The following PBX3 variants were observed in gnomAD, a reference collection of about 807,000 sequenced individuals.
The protein encoded by PBX3 is PBX homeobox 3.
In PBX3, 14 loss-of-function variants were observed where a neutral mutation model predicts 48.5. The observed-to-expected ratio is 0.29, with a 90% CI of 0.19 to 0.45. PBX3 has a LOEUF of 0.45. Among genes scored for constraint, PBX3 ranks in the 20% least tolerant of loss-of-function variants. The pLI, the probability that PBX3 is intolerant of heterozygous loss-of-function variation, is 1.00. For missense variants in PBX3, 386 were observed against 546.7 expected (o/e 0.71, Z 2.93); for synonymous variants, 210 against 200.3 (o/e 1.05, Z -0.41).
At chr9:125,797,872 A>C (rs1406893238) in intron 2 of PBX3, among the ~76,000 whole-genome samples, 1 of 152,164 alleles carries the variant, frequency 6.6e-6, no homozygotes, top group Non-Finnish European at 1.5e-5. Flanking sequence ...AAACATTAAC[A>C]GTAACAATAG....
intron 2 of PBX3, among the ~76,000 whole-genome samples, chr9:125,900,784 GGAATTTATTTTATCAGATAACT>G (rs1840927321): frequency 6.6e-6 from 1 of 151,684 alleles, no homozygotes. Context: ...TGCTGAATGT[GGAATTTATTTTATCAGATAACT>G]GACCATTGTT....
chr9:125,886,410 ATTTCCCTCATT>A, intron 2 of PBX3, among the ~76,000 whole-genome samples: 1 of 152,178 alleles, frequency 6.6e-6, no homozygotes, highest in East Asian at 1.9e-4. Flanking sequence ...AACATTTCTA[ATTTCCCTCATT>A]TGAAGGTTCA....
intron 2 of PBX3, among the ~76,000 whole-genome samples, chr9:125,880,470 A>G (rs750601838): frequency 6.6e-6 from 1 of 152,212 alleles, no homozygotes; most frequent in Non-Finnish European, 1.5e-5. Flanking sequence ...GTTATTTTCA[A>G]TATTAATTAT....
chr9:125,915,465 G>A (rs1263729534), intron 2 of PBX3, among the ~76,000 whole-genome samples: 1 of 151,978 alleles, frequency 6.6e-6, no homozygotes. Flanking sequence ...TGAGGCGGTG[G>A]GGGGGTATTT....
chr9:125,852,748 T>C (rs1839616874), intron 2 of PBX3, among the ~76,000 whole-genome samples: 1 of 152,196 alleles, frequency 6.6e-6, no homozygotes, highest in Admixed American at 6.5e-5. Context: ...ATAGTTGTTA[T>C]AACTTTTTCT....
intron 2 of PBX3, among the ~76,000 whole-genome samples, chr9:125,752,226 C>G: frequency 6.6e-6 from 1 of 152,072 alleles, no homozygotes. Context: ...GATTTGTAGC[C>G]TTTGTGAGGC....
chr9:125,801,244 T>A (rs941338620), intron 2 of PBX3, among the ~76,000 whole-genome samples: 3 of 152,234 alleles, frequency 2.0e-5, no homozygotes, highest in African/African-American at 7.2e-5. Context: ...GAAGTACTTC[T>A]CTGTTTTCAT....
intron 2 of PBX3, among the ~76,000 whole-genome samples, chr9:125,878,544 C>T (rs1368581141): frequency 1.3e-5 from 2 of 152,160 alleles, no homozygotes; most frequent in Non-Finnish European, 2.9e-5. Flanking sequence ...CTCTCTGCTG[C>T]CTTTTGTATA....
At chr9:125,849,965 T>C (rs1189609333) in intron 2 of PBX3, among the ~76,000 whole-genome samples, 1 of 152,034 alleles carries the variant, frequency 6.6e-6, no homozygotes, top group Non-Finnish European at 1.5e-5. Context: ...TTTTGAAGAA[T>C]TACGTATTAT....
chr9:125,897,140 G>A (rs1341311168), intron 2 of PBX3, among the ~76,000 whole-genome samples: 1 of 88,768 alleles, frequency 1.1e-5, no homozygotes, highest in East Asian at 4.0e-4. Flanking sequence ...ATTCATTTGT[G>A]GTTTTTTTTT....
chr9:125,831,615 G>A (rs1208695090), intron 2 of PBX3, among the ~76,000 whole-genome samples: 1 of 152,140 alleles, frequency 6.6e-6, no homozygotes, highest in South Asian at 2.1e-4. Context: ...AATTTCCAGA[G>A]TAATGAGGTA....
At chr9:125,952,523 T>C (rs1842216004) in intron 5 of PBX3, among the ~76,000 whole-genome samples, 1 of 152,262 alleles carries the variant, frequency 6.6e-6, no homozygotes, top group Non-Finnish European at 1.5e-5. Context: ...ATAGATGGTT[T>C]AGCTTTTTAT....
chr9:125,867,742 C>G (rs538965665), intron 2 of PBX3, among the ~76,000 whole-genome samples: 3 of 149,660 alleles, frequency 2.0e-5, no homozygotes, highest in African/African-American at 5.0e-5. Context: ...CTTTCTGTCT[C>G]TCTCTCTCTC....
At chr9:125,791,661 C>T (rs577548516) in intron 2 of PBX3, among the ~76,000 whole-genome samples, 5 of 152,228 alleles carry the variant, frequency 3.3e-5, no homozygotes, top group East Asian at 1.9e-4. Context: ...CTAGGCCGGG[C>T]GCGGTGGCTC....
chr9:125,963,426 G>A (rs1015806164), intron 8 of PBX3, among the ~76,000 whole-genome samples: 2 of 152,178 alleles, frequency 1.3e-5, no homozygotes, highest in African/African-American at 4.8e-5. Context: ...ACCAGGCAGC[G>A]GGAAAAATTC....
chr9:125,748,641 G>T lies in PBX3; in HGVS notation c.274+18G>T, dbSNP rs766798312. 2 of 1,608,090 alleles carry T rather than the reference G, an allele frequency of 1.2e-6. No homozygotes were observed. Among genetic ancestry groups the T allele is most frequent in the African/African-American group, 2.7e-5 (2 of 74,966 alleles). On this transcript the variant is annotated intron_variant, in intron 2 of 8. Coordinates refer to ENST00000373489, the MANE Select transcript of PBX3 (RefSeq NM_006195.6). The stretch of plus-strand genomic sequence containing the variant: ...GAAAACAGGTAAGACGCTGCGCCCC[G>T]CAGTGGGCCTGGAGACCCCCGAGGT...
At chr9:125,834,931 C>T (rs894708191) in intron 2 of PBX3, among the ~76,000 whole-genome samples, 1 of 136,288 alleles carries the variant, frequency 7.3e-6, no homozygotes, top group Non-Finnish European at 1.5e-5. Flanking sequence ...GCAGGAGAAT[C>T]GCTTGAATCT....
chr9:125,888,321 T>C (rs1258363705), intron 2 of PBX3, among the ~76,000 whole-genome samples: 2 of 152,204 alleles, frequency 1.3e-5, no homozygotes, highest in Non-Finnish European at 2.9e-5. Flanking sequence ...ATTGTACCTA[T>C]ATTTAATTAA....
chr9:125,858,682 A>G lies in PBX3; in HGVS notation c.275-57004A>G, dbSNP rs191538435. ...CTCTTGTTGCCCAGGCTGGAGTGCAATGGCACGATCTCGGCTCACTGCAAC... is the reference window on the plus strand; with the variant it reads ...CTCTTGTTGCCCAGGCTGGAGTGCAGTGGCACGATCTCGGCTCACTGCAAC... On this transcript the variant is annotated intron_variant, in intron 2 of 8. Transcript: ENST00000373489. Among the ~76,000 whole-genome samples, 123 of 145,774 alleles carry G rather than the reference A, an allele frequency of 8.4e-4. 2 individuals are homozygous for G. Among genetic ancestry groups the G allele is most frequent in the African/African-American group, 2.9e-3 (116 of 39,688 alleles).
Sources: gnomAD v4.1 joint callset for allele counts (sites outside exome capture counted in the v4.1 genomes callset) on GRCh38, gnomAD v4.1.1 for gene constraint, MANE v1.5 for transcripts, NCBI Gene and HGNC (gene_info 2026-07-23, HGNC 2026-07-21) for gene names.